Variants in CCNY observed in about 807,000 individuals in gnomAD.
The protein encoded by CCNY is cyclin-Y.
In CCNY, 19 loss-of-function variants were observed where a neutral mutation model predicts 42.8. The ratio of observed to expected loss-of-function variants is 0.44; its 90% confidence interval spans 0.31 to 0.65. The LOEUF (loss-of-function observed/expected upper bound fraction) is 0.65, where lower values mean the gene tolerates loss of function less well. Among genes scored for constraint, CCNY ranks in the 30% least tolerant of loss-of-function variants. The pLI is 0.07. For missense variants in CCNY, 370 were observed against 437.3 expected, an observed-to-expected ratio of 0.85 and a Z score of 1.37; for synonymous variants, 165 against 162.7, an observed-to-expected ratio of 1.01 and a Z score of -0.11.
Position 35,572,205 on chromosome 10 carries a change from TG to T in CCNY, c.*3039del, listed in dbSNP as rs1841700092. On this transcript the variant is annotated 3_prime_UTR_variant, in exon 10 of 10. Coordinates refer to ENST00000374704, the MANE Select transcript of CCNY (RefSeq NM_145012.6). ...TTTAAGCTAAGCTGAAAGCAAAATTTGGGGAGTGAATGATTTAAACTTTTCC... is the reference window on the plus strand; with the variant it reads ...TTTAAGCTAAGCTGAAAGCAAAATTTGGGAGTGAATGATTTAAACTTTTCC... 6.6e-6 allele frequency: 1 copy of T among 152,184 alleles called. No individual in the cohort carries two copies. The highest frequency in any genetic ancestry group is 2.1e-4 in the South Asian group (1 of 4,828). 9.4% of individuals were successfully genotyped at this position (152,184 alleles called of 1,614,324 possible).
At chr10:35,302,734 A>C (rs894129646) in intron 3 of CCNY, among the ~76,000 whole-genome samples, 1 of 152,206 alleles carries the variant, frequency 6.6e-6, no homozygotes, top group Non-Finnish European at 1.5e-5. Flanking sequence ...CATCATAGCC[A>C]CTGAGAACAA....
intron 3 of CCNY, among the ~76,000 whole-genome samples, chr10:35,267,213 T>C (rs1429821551): frequency 6.6e-6 from 1 of 150,938 alleles, no homozygotes; most frequent in Non-Finnish European, 1.5e-5. Context: ...GAGGCTGAGT[T>C]GGGGGGATCA....
intron 8 of CCNY, among the ~76,000 whole-genome samples, chr10:35,565,501 CTG>C (rs1285256848): frequency 6.6e-6 from 1 of 152,188 alleles, no homozygotes; most frequent in African/African-American, 2.4e-5. Context: ...GAGGCAGAGA[CTG>C]GACACCCTCC....
intron 7 of CCNY, among the ~76,000 whole-genome samples, chr10:35,548,576 T>G (rs186171158): frequency 7.9e-5 from 12 of 152,080 alleles, no homozygotes; most frequent in South Asian, 2.1e-4. Flanking sequence ...GATTACAGGC[T>G]TGAGCCACCG....
chr10:35,495,254 T>G (rs1261059882), intron 2 of CCNY, among the ~76,000 whole-genome samples: 2 of 152,254 alleles, frequency 1.3e-5, no homozygotes, highest in Non-Finnish European at 2.9e-5. Context: ...TTTTCCAAAT[T>G]TTCTGCAATA....
chr10:35,415,838 G>C (rs1359326366), intron 1 of CCNY, among the ~76,000 whole-genome samples: 1 of 152,140 alleles, frequency 6.6e-6, no homozygotes, highest in Admixed American at 6.5e-5. Context: ...TTTCACACAT[G>C]GGCTCAGCCA....
intron 1 of CCNY, among the ~76,000 whole-genome samples, chr10:35,482,850 TA>T (rs1018539522): frequency 6.6e-6 from 1 of 151,870 alleles, no homozygotes; most frequent in Non-Finnish European, 1.5e-5. Context: ...AAATGTTTTT[TA>T]AAAAGTAGGG....
chr10:35,505,102 A>G (rs913550381), intron 3 of CCNY, among the ~76,000 whole-genome samples: 2 of 151,120 alleles, frequency 1.3e-5, no homozygotes, highest in Non-Finnish European at 2.9e-5. Flanking sequence ...ATCTCTGATT[A>G]TAGATTGTGG....
chr10:35,273,121 C>T (rs746235771), intron 3 of CCNY, among the ~76,000 whole-genome samples: 15 of 152,072 alleles, frequency 9.9e-5, no homozygotes, highest in Admixed American at 2.0e-4. Context: ...AATCCATTCT[C>T]TTTCCCGTTC....
chr10:35,418,509 T>A (rs1194581018), intron 1 of CCNY, among the ~76,000 whole-genome samples: 1 of 152,216 alleles, frequency 6.6e-6, no homozygotes, highest in African/African-American at 2.4e-5. Context: ...CAGAATTAAA[T>A]GTGTCCTCTT....
intron 3 of CCNY, among the ~76,000 whole-genome samples, chr10:35,323,198 A>G (rs1223669591): frequency 6.6e-6 from 1 of 152,078 alleles, no homozygotes; most frequent in African/African-American, 2.4e-5. Context: ...CAAATTGCTA[A>G]GATTACAGGC....
At chr10:35,253,061 G>A (rs1053024363) in intron 3 of CCNY, among the ~76,000 whole-genome samples, 15 of 152,168 alleles carry the variant, frequency 9.9e-5, no homozygotes, top group African/African-American at 3.6e-4. Flanking sequence ...TCACGGGACT[G>A]AACACTATTA....
intron 7 of CCNY, among the ~76,000 whole-genome samples, chr10:35,532,540 A>T (rs754770896): frequency 4.6e-5 from 7 of 152,240 alleles, no homozygotes; most frequent in African/African-American, 9.6e-5. Context: ...AATAACTTAG[A>T]TCACTAAGTG....
intron 7 of CCNY, among the ~76,000 whole-genome samples, chr10:35,548,799 T>C (rs556112632): frequency 3.2e-4 from 48 of 151,764 alleles, no homozygotes; most frequent in Non-Finnish European, 5.3e-4. Flanking sequence ...CGAAAAAATC[T>C]GCGTATTAGT....
chr10:35,497,299 C>T (rs1840021629), intron 2 of CCNY, among the ~76,000 whole-genome samples: 1 of 152,188 alleles, frequency 6.6e-6, no homozygotes, highest in South Asian at 2.1e-4. Flanking sequence ...TGGCATATTG[C>T]TTATACCATT....
At chr10:35,555,048 T>C (rs562181640) in intron 8 of CCNY, among the ~76,000 whole-genome samples, 29 of 152,210 alleles carry the variant, frequency 1.9e-4, no homozygotes, top group Non-Finnish European at 3.1e-4. Flanking sequence ...TTATAAAATA[T>C]TTGTCAGGAG....
chr10:35,562,694 C>T (rs1369910581), intron 8 of CCNY, among the ~76,000 whole-genome samples: 1 of 152,072 alleles, frequency 6.6e-6, no homozygotes, highest in African/African-American at 2.4e-5. Flanking sequence ...GTCTGTGTCC[C>T]ATTTTGTTTA....
At chr10:35,483,207 T>C (rs1486507732) in intron 1 of CCNY, among the ~76,000 whole-genome samples, 197 bp from the exon 2 acceptor site, 3 of 152,210 alleles carry the variant, frequency 2.0e-5, no homozygotes, top group Non-Finnish European at 4.4e-5. Flanking sequence ...AACTGTCTAA[T>C]TTTTATGTAT....
intron 3 of CCNY, among the ~76,000 whole-genome samples, chr10:35,509,799 C>G (rs558712062): frequency 6.6e-6 from 1 of 152,354 alleles, no homozygotes; most frequent in Admixed American, 6.5e-5. Context: ...CTGGGTTTCA[C>G]AGGCTTCAGA....
Sources: allele counts gnomAD v4.1 joint callset (sites outside exome capture counted in the v4.1 genomes callset), GRCh38; gene constraint gnomAD v4.1.1; transcripts MANE v1.5; gene names NCBI Gene and HGNC (gene_info 2026-07-23, HGNC 2026-07-21).